Variants in CNTN4 observed in about 807,000 individuals in gnomAD.
CNTN4 encodes contactin-4.
CNTN4 carries 77 observed loss-of-function variants against 122.5 expected under a neutral mutation model. That is an observed-to-expected ratio of 0.63 (90% confidence interval 0.52 to 0.76). CNTN4 has a LOEUF of 0.76. Among genes scored for constraint, CNTN4 ranks in the 30% least tolerant of loss-of-function variants. The pLI is 0.00. For synonymous variants in CNTN4, 512 were observed against 447.0 expected (o/e 1.15, Z -1.83); for missense variants, 1,256 against 1,259.1 (o/e 1.00, Z 0.04).
At chr3:2,944,418 A>T (rs1360721691) in intron 13 of CNTN4, among the ~76,000 whole-genome samples, 1 of 152,162 alleles carries the variant, frequency 6.6e-6, no homozygotes, top group Non-Finnish European at 1.5e-5. Flanking sequence ...ATGTGACTGC[A>T]TTCATTTTCT....
intron 4 of CNTN4, among the ~76,000 whole-genome samples, chr3:2,734,328 C>G (rs2088920925): frequency 6.6e-6 from 1 of 152,224 alleles, no homozygotes. Context: ...TCCCAGAGTG[C>G]TGGGATTCCA....
chr3:2,524,876 G>T (rs1242543255), intron 3 of CNTN4, among the ~76,000 whole-genome samples: 1 of 152,092 alleles, frequency 6.6e-6, no homozygotes, highest in African/African-American at 2.4e-5. Context: ...AAGTTTAATA[G>T]AATACCAGCT....
chr3:2,211,677 T>C (rs2038624939), intron 2 of CNTN4, among the ~76,000 whole-genome samples: 1 of 152,050 alleles, frequency 6.6e-6, no homozygotes, highest in Non-Finnish European at 1.5e-5. Context: ...TAAATTTTTA[T>C]TTTTTTTCTT....
At chr3:2,644,739 G>A (rs764750985) in intron 4 of CNTN4, among the ~76,000 whole-genome samples, 14 of 146,776 alleles carry the variant, frequency 9.5e-5, no homozygotes, top group South Asian at 2.3e-4. Flanking sequence ...GAAAATGGGC[G>A]CAGGCTTTTT....
At chr3:2,278,392 A>G (rs1299466038) in intron 2 of CNTN4, among the ~76,000 whole-genome samples, 1 of 152,202 alleles carries the variant, frequency 6.6e-6, no homozygotes, top group Admixed American at 6.5e-5. Flanking sequence ...AAGGTAGGAA[A>G]GTAAACTGAC....
intron 3 of CNTN4, among the ~76,000 whole-genome samples, chr3:2,464,749 A>G (rs2075437725): frequency 6.6e-6 from 1 of 152,252 alleles, no homozygotes; most frequent in Non-Finnish European, 1.5e-5. Flanking sequence ...ACTCTGCCCT[A>G]GAGGAAAATG....
At chr3:2,391,296 T>C (rs190190573) in intron 3 of CNTN4, among the ~76,000 whole-genome samples, 1 of 152,298 alleles carries the variant, frequency 6.6e-6, no homozygotes, top group Admixed American at 6.5e-5. Flanking sequence ...TGTGCTGATT[T>C]TAAACTCATT....
At chr3:2,372,962 A>C (rs1327221063) in intron 3 of CNTN4, among the ~76,000 whole-genome samples, 1 of 152,114 alleles carries the variant, frequency 6.6e-6, no homozygotes, top group Non-Finnish European at 1.5e-5. Flanking sequence ...CACAAGAATC[A>C]CTTGAACCTG....
intron 24 of CNTN4, among the ~76,000 whole-genome samples, chr3:3,054,438 A>G (rs1003341322): frequency 9.2e-5 from 14 of 152,254 alleles, no homozygotes; most frequent in African/African-American, 3.4e-4. Flanking sequence ...GGGTATATGC[A>G]ACATGTGCAT....
chr3:2,459,694 A>G (rs2049131244), intron 3 of CNTN4, among the ~76,000 whole-genome samples: 1 of 152,110 alleles, frequency 6.6e-6, no homozygotes, highest in Non-Finnish European at 1.5e-5. Flanking sequence ...TCAAAGCTCT[A>G]GAAAGTGTTT....
intron 3 of CNTN4, among the ~76,000 whole-genome samples, chr3:2,511,030 C>T (rs764875024): frequency 6.6e-6 from 1 of 152,030 alleles, no homozygotes; most frequent in Non-Finnish European, 1.5e-5. Flanking sequence ...GCCAGTGTCC[C>T]CAAAGACTGA....
intron 7 of CNTN4, among the ~76,000 whole-genome samples, chr3:2,845,548 A>G (rs1032748644): frequency 6.6e-6 from 1 of 152,192 alleles, no homozygotes; most frequent in African/African-American, 2.4e-5. Context: ...ACTTCTAGCA[A>G]CTTTTAAAAT....
At chr3:2,147,042 A>G (rs897755467) in intron 2 of CNTN4, among the ~76,000 whole-genome samples, 1 of 151,884 alleles carries the variant, frequency 6.6e-6, no homozygotes, top group Non-Finnish European at 1.5e-5. Flanking sequence ...CACCATGCCC[A>G]GCTAATTTTT....
chr3:2,982,941 C>T (rs170995), intron 13 of CNTN4, among the ~76,000 whole-genome samples: 12 of 152,072 alleles, frequency 7.9e-5, no homozygotes, highest in African/African-American at 2.2e-4. Context: ...GCTTGCCGGG[C>T]GCAGTGGCTC....
chr3:2,869,283 G>GA (rs887409951), intron 8 of CNTN4, among the ~76,000 whole-genome samples: 3 of 152,094 alleles, frequency 2.0e-5, no homozygotes, highest in African/African-American at 7.2e-5. Flanking sequence ...AATCCAATCA[G>GA]AATACTACTG....
At position 2,619,730 on chromosome 3, in the gene CNTN4, A is replaced by G. The variant is rs2149911434; in HGVS notation, c.55+48172A>G. 1.3e-5 allele frequency among the ~76,000 whole-genome samples: 2 copies of G among 152,338 alleles called. 1 individual carries two copies. Among genetic ancestry groups the G allele is most frequent in the Admixed American group, 1.3e-4 (2 of 15,304 alleles). ...TTTGCCTGACGAAGAACATGAGGGA[A>G]CAAGCACTTTTTCCTTGAAATGTTT... is the stretch of plus-strand genomic sequence containing the variant. On this transcript the variant is annotated intron_variant, in intron 4 of 24. Transcript: ENST00000418658.
At chr3:2,538,267 A>G (rs1270378543) in intron 3 of CNTN4, among the ~76,000 whole-genome samples, 1 of 152,060 alleles carries the variant, frequency 6.6e-6, no homozygotes, top group Non-Finnish European at 1.5e-5. Flanking sequence ...TGACACTTTG[A>G]TCTCAGACTT....
chr3:2,659,398 G>A (rs192210725), intron 4 of CNTN4, among the ~76,000 whole-genome samples: 1 of 148,978 alleles, frequency 6.7e-6, no homozygotes, highest in African/African-American at 2.5e-5. Flanking sequence ...GGAGGTGGAG[G>A]TTGCGGTGAG....
intron 2 of CNTN4, among the ~76,000 whole-genome samples, chr3:2,162,287 A>C (rs187941654): frequency 4.6e-5 from 7 of 152,326 alleles, no homozygotes; most frequent in Admixed American, 4.6e-4. Flanking sequence ...CTATTCATTT[A>C]CTAAAAATAA....
Sources: gnomAD v4.1 joint callset for allele counts (sites outside exome capture counted in the v4.1 genomes callset) on GRCh38, gnomAD v4.1.1 for gene constraint, MANE v1.5 for transcripts, NCBI Gene and HGNC (gene_info 2026-07-23, HGNC 2026-07-21) for gene names.